Variants in EPRS1 observed in about 807,000 individuals in gnomAD.
EPRS1 encodes bifunctional glutamate/proline--tRNA ligase.
A neutral mutation model predicts 188.3 loss-of-function variants in EPRS1; 107 were observed. That is an observed-to-expected ratio of 0.57 (90% confidence interval 0.49 to 0.67). EPRS1 has a LOEUF of 0.67. Ranked by LOEUF, EPRS1 falls within the 30% of genes least tolerant of loss-of-function variation. The pLI, the probability that EPRS1 is intolerant of heterozygous loss-of-function variation, is 0.00. For synonymous variants in EPRS1, 596 were observed against 593.1 expected (o/e 1.00, Z -0.07); for missense variants, 1,577 against 1,802.2 (o/e 0.88, Z 2.26).
At chr1:220,034,114 CA>C (rs1019546935) in intron 3 of EPRS1, among the ~76,000 whole-genome samples, 1 of 152,118 alleles carries the variant, frequency 6.6e-6, no homozygotes, top group African/African-American at 2.4e-5. Context: ...GGAAAAAAAG[CA>C]GCATCTAAAA....
rs1441405613 is a variant in EPRS1 at position 220,024,443 on chromosome 1, T to C, written c.764A>G (p.Asp255Gly). 6.3e-7 allele frequency: 1 copy of C among 1,596,802 alleles called. No individual in the cohort carries two copies. Among genetic ancestry groups the C allele is most frequent in the Non-Finnish European group, 8.5e-7 (1 of 1,174,880 alleles). ...TGGTTTGATATGCAACATTGCAACA[T>C]CTTCCAAGATAACCTGTAGTAAGAA... ...KEDFEKVILE[D>G]VAMLHIKPDQ... is the part of the protein sequence containing the mutation. The change falls in exon 8 of 32, where the codon GAT (aspartate) becomes GGT (glycine). Residue 255 changes from aspartate (D) to glycine (G), a missense_variant. This residue lies in a region of EPRS1 where 1,278 missense variants were observed against 1,457.4 expected (regional missense o/e 0.88). Transcript: ENST00000366923.
At chr1:220,045,696 C>T (rs1571704714) in intron 1 of EPRS1, among the ~76,000 whole-genome samples, 2 of 152,158 alleles carry the variant, frequency 1.3e-5, no homozygotes, top group Admixed American at 6.6e-5. Flanking sequence ...TACTACACAT[C>T]CACAGGGTGC....
At chr1:219,984,335 T>G (rs888140003) in intron 20 of EPRS1, 78 bp from the exon 21 acceptor site, 5 of 965,756 alleles carry the variant, frequency 5.2e-6, no homozygotes, top group South Asian at 1.3e-5. Context: ...ACCTCTAAAG[T>G]TCAAAATAGA....
rs1291049502 is a variant in EPRS1, at chr1:219,978,711, A to C, written c.3918T>G (p.Ile1306Met). 6.2e-7 allele frequency: 1 copy of C among 1,609,526 alleles called. No homozygotes were observed. Among genetic ancestry groups the C allele is most frequent in the Non-Finnish European group, 8.5e-7 (1 of 1,177,832 alleles). Residue 1306 changes from isoleucine to methionine, a missense_variant, in exon 28 of 32, where the codon ATT becomes ATG. This residue lies in a region of EPRS1 where 296 missense variants were observed against 327.9 expected (regional missense o/e 0.90). Coordinates refer to ENST00000366923, the MANE Select transcript of EPRS1 (RefSeq NM_004446.3). Reference sequence around the variant, plus strand: ...GTGCATTGGTAATGCCACAAGGAATAATCACCACCTAGAATCAGCACAATG... The same window carrying C: ...GTGCATTGGTAATGCCACAAGGAATCATCACCACCTAGAATCAGCACAATG... The part of the protein sequence containing the change: ...PPRVACVQVV[I>M]IPCGITNALS...
At chr1:219,973,641 C>G (rs1163900111) in intron 28 of EPRS1, among the ~76,000 whole-genome samples, 1 of 151,246 alleles carries the variant, frequency 6.6e-6, no homozygotes, top group Non-Finnish European at 1.5e-5. Context: ...CATGGAGAAA[C>G]AGAGTAGTTT....
chr1:220,033,542 G>C lies in EPRS1; in HGVS notation c.348C>G (p.Ser116=), dbSNP rs1180963637. 1 of 1,612,126 alleles carries C rather than the reference G, an allele frequency of 6.2e-7. No homozygotes were observed. The highest frequency in any genetic ancestry group is 1.1e-5 in the South Asian group (1 of 90,940). The part of the protein sequence containing the change: ...LSLRTYLVGN[S]LSLADLCVWA... Reference sequence around the variant, plus strand: ...AAACACATAAATCTGCTAAACTCAAGGAGTTTCCAACTAAGTATGTTCTCA... The same window carrying C: ...AAACACATAAATCTGCTAAACTCAACGAGTTTCCAACTAAGTATGTTCTCA... The change falls in exon 4 of 32, where the codon TCC becomes TCG. Residue 116 remains serine, a synonymous_variant. Transcript: ENST00000366923.
At chr1:220,015,134 A>C (rs1661677067) in intron 12 of EPRS1, among the ~76,000 whole-genome samples, 1 of 152,200 alleles carries the variant, frequency 6.6e-6, no homozygotes, top group South Asian at 2.1e-4. Context: ...TCCCAAGAAG[A>C]GTTCCAGGAG....
intron 6 of EPRS1, among the ~76,000 whole-genome samples, chr1:220,026,014 C>T (rs1256394522): frequency 6.6e-6 from 1 of 152,118 alleles, no homozygotes; most frequent in East Asian, 1.9e-4. Flanking sequence ...AGGATGGTCT[C>T]GATCTCTTGA....
chr1:219,981,520 C>A, intron 23 of EPRS1, 63 bp from the exon 24 acceptor site: 1 of 869,488 alleles, frequency 1.2e-6, no homozygotes, highest in Non-Finnish European at 1.8e-6. Context: ...AGGGATGTAA[C>A]AGCTAAACCA....
chr1:219,988,970 G>A, intron 18 of EPRS1, 147 bp from the exon 19 acceptor site: 2 of 569,544 alleles, frequency 3.5e-6, no homozygotes, highest in East Asian at 2.9e-5. Flanking sequence ...CCTACAATAA[G>A]TGATAAAGCT....
chr1:220,020,522 C>G (rs12059479), intron 9 of EPRS1, among the ~76,000 whole-genome samples: 5,555 of 152,010 alleles, frequency 0.037, 307 homozygotes, highest in African/African-American at 0.13. Context: ...CAATGTATAA[C>G]ATAGTAGGAA....
At chr1:219,971,429 T>A (rs148607656) in intron 30 of EPRS1, among the ~76,000 whole-genome samples, 1 of 152,260 alleles carries the variant, frequency 6.6e-6, no homozygotes, top group Admixed American at 6.5e-5. Context: ...CCCCTCATTA[T>A]GAAAAACAGG....
At position 220,007,693 on chromosome 1, in the gene EPRS1, CTCA is replaced by C. The variant is rs1240221662; in HGVS notation, c.1606-358_1606-356del. ...CTAAGATTACTTCCAGCCTACAAGACTCATTGATTTCACAGCTAAGACAGTATA... is the reference window on the plus strand; with the variant it reads ...CTAAGATTACTTCCAGCCTACAAGACTTGATTTCACAGCTAAGACAGTATA... On this transcript the variant is annotated intron_variant, in intron 13 of 31. Transcript: ENST00000366923. Among the ~76,000 whole-genome samples the C allele has an allele frequency of 1.4e-4, 21 of 152,334 alleles. No individual in the cohort carries two copies. In the South Asian group the frequency reaches 4.1e-3, roughly 30 times the overall value.
intron 6 of EPRS1, among the ~76,000 whole-genome samples, chr1:220,025,795 G>GTTT (rs780936118): frequency 1.4e-5 from 2 of 141,564 alleles, no homozygotes; most frequent in African/African-American, 2.6e-5. Flanking sequence ...CAAAATAAAA[G>GTTT]TTTTTTTTTT....
Position 220,035,009 on chromosome 1 carries a change from C to T in EPRS1, c.136G>A (p.Val46Met). ...ATAGAATTCACATCTGTGAATATCA[C>T]ATTTCTAGAATATAAGCACGAGATA... ...KENILHVSEN[V>M]IFTDVNSILR... Residue 46 changes from valine (V) to methionine (M), a missense_variant, in exon 3 of 32, where the codon GTG (valine) becomes ATG (methionine). Transcript: ENST00000366923. The T allele has an allele frequency of 1.3e-6, 2 of 1,527,294 alleles. No individual in the cohort carries two copies. Among genetic ancestry groups the T allele is most frequent in the Non-Finnish European group, 1.8e-6 (2 of 1,115,692 alleles). 94.6% of individuals were successfully genotyped at this position (1,527,294 alleles called of 1,614,324 possible).
At chr1:220,019,380 T>G (rs1658226) in intron 10 of EPRS1, among the ~76,000 whole-genome samples, 122,024 of 152,152 alleles carry the variant, frequency 0.8, 49,102 homozygotes, top group East Asian at 0.93. Context: ...TCATACATTT[T>G]TATTTATCAA....
intron 23 of EPRS1, chr1:219,982,503 A>G (rs1036306774): frequency 1.8e-5 from 5 of 280,478 alleles, no homozygotes; most frequent in African/African-American, 6.6e-5. Context: ...TAAGAATAAA[A>G]CTCCTTGAAA....
At chr1:220,031,826 T>C (rs1036274023) in intron 5 of EPRS1, among the ~76,000 whole-genome samples, 3 of 152,098 alleles carry the variant, frequency 2.0e-5, no homozygotes, top group African/African-American at 7.2e-5. Flanking sequence ...ATTGCAAAGG[T>C]GTAAAATTAA....
chr1:220,033,331 G>A (rs1009336909), intron 4 of EPRS1, among the ~76,000 whole-genome samples, 171 bp downstream of exon 4: 2 of 152,098 alleles, frequency 1.3e-5, no homozygotes, highest in African/African-American at 4.8e-5. Flanking sequence ...TAGCTGGATA[G>A]GAATAAAACA....
Sources: allele counts gnomAD v4.1 joint callset (sites outside exome capture counted in the v4.1 genomes callset), GRCh38; gene constraint gnomAD v4.1.1; regional missense constraint gnomAD v4.1.1; transcripts MANE v1.5; gene names NCBI Gene and HGNC (gene_info 2026-07-23, HGNC 2026-07-21).